Variants in NELL1 observed in about 807,000 individuals in gnomAD.
NELL1 encodes neural EGFL like 1.
Under a neutral mutation model 107.4 loss-of-function variants are expected in NELL1, and 76 were observed. The observed-to-expected ratio is 0.71, with a 90% CI of 0.59 to 0.86. The LOEUF (loss-of-function observed/expected upper bound fraction) is 0.86, where lower values mean the gene tolerates loss of function less well. NELL1 is among the 40% of genes least tolerant of loss of function. The probability of loss-of-function intolerance (pLI) is 0.00; values close to 1 mark genes in which losing one functional copy is unlikely to be tolerated. For synonymous variants in NELL1, 353 were observed against 341.2 expected (o/e 1.03, Z -0.38); for missense variants, 1,024 against 1,005.5 (o/e 1.02, Z -0.25).
chr11:21,221,857 T>A (rs1857765339), intron 13 of NELL1, among the ~76,000 whole-genome samples: 1 of 151,908 alleles, frequency 6.6e-6, no homozygotes, highest in African/African-American at 2.4e-5. Context: ...CATACCTGGA[T>A]AATTTTTGTA....
chr11:21,339,545 A>G (rs12279120), intron 14 of NELL1, among the ~76,000 whole-genome samples: 15,877 of 152,148 alleles, frequency 0.1, 1,461 homozygotes, highest in African/African-American at 0.25. Flanking sequence ...ATTTCTTTTC[A>G]TCGTGTCAGT....
At chr11:21,221,673 C>T (rs954883697) in intron 13 of NELL1, among the ~76,000 whole-genome samples, 1 of 152,070 alleles carries the variant, frequency 6.6e-6, no homozygotes, top group Non-Finnish European at 1.5e-5. Context: ...TGGCATATAG[C>T]TATCATAATA....
At chr11:20,877,159 A>G (rs1187255650) in intron 4 of NELL1, among the ~76,000 whole-genome samples, 1 of 152,210 alleles carries the variant, frequency 6.6e-6, no homozygotes, top group African/African-American at 2.4e-5. Flanking sequence ...GAGCACCTTG[A>G]TATTCACTAA....
In NELL1 at chr11:20,826,608, G is replaced by T. The variant is rs961256821; in HGVS notation, c.336-20975G>T. 2.0e-5 allele frequency among the ~76,000 whole-genome samples: 3 copies of T among 151,132 alleles called. 1 individual carries two copies. The highest frequency in any genetic ancestry group is 1.3e-4 in the Admixed American group (2 of 15,016). On this transcript the variant is annotated intron_variant, in intron 3 of 19. Coordinates refer to ENST00000357134, the MANE Select transcript of NELL1 (RefSeq NM_006157.5). ...AACTCCTCTCTGGACACTCCTCTCTGGTTAATTATTTTTTATTGCACAATT... is the reference window on the plus strand; with the variant it reads ...AACTCCTCTCTGGACACTCCTCTCTTGTTAATTATTTTTTATTGCACAATT...
At chr11:21,532,882 T>A (rs983723591) in intron 15 of NELL1, among the ~76,000 whole-genome samples, 4 of 152,128 alleles carry the variant, frequency 2.6e-5, no homozygotes, top group Non-Finnish European at 4.4e-5. Flanking sequence ...CTACTTGAAG[T>A]TTTAAAGTTT....
intron 2 of NELL1, among the ~76,000 whole-genome samples, chr11:20,714,900 A>G (rs988052859): frequency 6.6e-5 from 10 of 152,150 alleles, no homozygotes; most frequent in African/African-American, 2.4e-4. Context: ...AAATTCGTGC[A>G]TTTAAATCAG....
At chr11:20,729,500 A>G (rs1218498805) in intron 2 of NELL1, among the ~76,000 whole-genome samples, 2 of 152,062 alleles carry the variant, frequency 1.3e-5, no homozygotes, top group African/African-American at 4.8e-5. Context: ...TAGTTTCTTG[A>G]GGGTTTTTAT....
chr11:20,957,778 T>C (rs1394727212), intron 11 of NELL1, among the ~76,000 whole-genome samples: 1 of 152,036 alleles, frequency 6.6e-6, no homozygotes, highest in East Asian at 1.9e-4. Context: ...TGTGGGTGAC[T>C]GAAAGAGAAT....
intron 15 of NELL1, among the ~76,000 whole-genome samples, chr11:21,421,289 T>G (rs61416976): frequency 0.061 from 9,261 of 152,108 alleles, 589 homozygotes; most frequent in East Asian, 0.18. Flanking sequence ...AACTCTGGAG[T>G]CTATTCCAAG....
chr11:21,237,053 C>T (rs1030261392), intron 14 of NELL1, among the ~76,000 whole-genome samples: 2 of 152,162 alleles, frequency 1.3e-5, no homozygotes, highest in South Asian at 2.1e-4. Flanking sequence ...TAGCTTTTTA[C>T]CCCTTTTCCT....
intron 5 of NELL1, among the ~76,000 whole-genome samples, chr11:20,886,930 T>C (rs1180676353): frequency 6.6e-6 from 1 of 152,200 alleles, no homozygotes; most frequent in Non-Finnish European, 1.5e-5. Flanking sequence ...CTACACTGTA[T>C]TATAATCATC....
chr11:21,482,697 TG>T (rs1189563789), intron 15 of NELL1, among the ~76,000 whole-genome samples: 5 of 150,260 alleles, frequency 3.3e-5, no homozygotes, highest in Non-Finnish European at 7.4e-5. Context: ...TCTCCAGTGG[TG>T]GAACTCAGTG....
rs140530060 is a variant in NELL1, at chr11:20,712,428, A to C, written c.184+34368A>C. Among the ~76,000 whole-genome samples, 3 of 152,030 alleles carry C rather than the reference A, an allele frequency of 2.0e-5. No homozygotes were observed. In the East Asian group the frequency reaches 5.8e-4, roughly 29 times the overall value. ...ATCTCCTTGAGTAGCTTAATAATCAACCTTCTGAACTTTGAGTAGCTTAAT... is the reference window on the plus strand; with the variant it reads ...ATCTCCTTGAGTAGCTTAATAATCACCCTTCTGAACTTTGAGTAGCTTAAT... On this transcript the variant is annotated intron_variant, in intron 2 of 19. Coordinates refer to ENST00000357134, the MANE Select transcript of NELL1 (RefSeq NM_006157.5).
intron 3 of NELL1, among the ~76,000 whole-genome samples, chr11:20,829,412 G>T (rs1308121700): frequency 6.6e-6 from 1 of 151,882 alleles, no homozygotes; most frequent in Non-Finnish European, 1.5e-5. Flanking sequence ...TTTTTTAGTA[G>T]AGAAGAGGTT....
intron 2 of NELL1, among the ~76,000 whole-genome samples, chr11:20,702,073 G>A (rs1854806969): frequency 6.6e-6 from 1 of 152,066 alleles, no homozygotes; most frequent in South Asian, 2.1e-4. Flanking sequence ...TGATGGGGAT[G>A]GCATTGAATC....
intron 2 of NELL1, among the ~76,000 whole-genome samples, chr11:20,680,964 G>A (rs1854176526): frequency 2.0e-5 from 3 of 152,074 alleles, no homozygotes; most frequent in Admixed American, 2.0e-4. Context: ...AGATAATGCT[G>A]TCTCTATTCC....
chr11:20,786,740 G>A (rs545154578), intron 3 of NELL1, among the ~76,000 whole-genome samples: 20 of 152,082 alleles, frequency 1.3e-4, no homozygotes, highest in East Asian at 7.8e-4. Context: ...CAGGCGCGGT[G>A]GTTTACACCT....
At chr11:20,770,290 G>A (rs1387393921) in intron 2 of NELL1, among the ~76,000 whole-genome samples, 4 of 152,098 alleles carry the variant, frequency 2.6e-5, no homozygotes, top group Non-Finnish European at 4.4e-5. Flanking sequence ...TTTTAAGGGG[G>A]GACATTAATG....
chr11:21,337,735 C>CCTTTCTTTCTTCCTTT (rs1850441697), intron 14 of NELL1, among the ~76,000 whole-genome samples: 3 of 105,300 alleles, frequency 2.8e-5, no homozygotes, highest in African/African-American at 1.1e-4. Context: ...TTCTTTCTTT[C>CCTTTCTTTCTTCCTTT]CTTTCTTTCT....
Sources: gnomAD v4.1 joint callset for allele counts (sites outside exome capture counted in the v4.1 genomes callset) on GRCh38, gnomAD v4.1.1 for gene constraint, MANE v1.5 for transcripts, NCBI Gene and HGNC (gene_info 2026-07-23, HGNC 2026-07-21) for gene names.